EXT1: variants seen among roughly 807,000 people sequenced by gnomAD.
The protein encoded by EXT1 is exostosin-1.
Under a neutral mutation model 82.5 loss-of-function variants are expected in EXT1, and 20 were observed. The observed-to-expected ratio is 0.24, with a 90% CI of 0.17 to 0.35. The LOEUF (loss-of-function observed/expected upper bound fraction) is 0.35. Among genes scored for constraint, EXT1 ranks in the 10% least tolerant of loss-of-function variants. The probability of loss-of-function intolerance (pLI) is 1.00; values close to 1 mark genes in which losing one functional copy is unlikely to be tolerated. For missense variants in EXT1, 757 were observed against 936.5 expected (o/e 0.81, Z 2.50); for synonymous variants, 348 against 350.8 (o/e 0.99, Z 0.09).
chr8:117,856,509 G>A (rs10095983), intron 1 of EXT1, among the ~76,000 whole-genome samples: 4,994 of 139,686 alleles, frequency 0.036, 293 homozygotes, highest in African/African-American at 0.13. Context: ...CTCATGATCC[G>A]CCCACCTCGG....
At chr8:117,834,876 T>C (rs1812163220) in intron 3 of EXT1, among the ~76,000 whole-genome samples, 2 of 151,136 alleles carry the variant, frequency 1.3e-5, no homozygotes, top group Admixed American at 1.3e-4. Context: ...TACATGATCA[T>C]TCCTGCCCTC....
chr8:118,075,663 A>G (rs1054932288), intron 1 of EXT1, among the ~76,000 whole-genome samples: 3 of 152,114 alleles, frequency 2.0e-5, no homozygotes, highest in Non-Finnish European at 2.9e-5. Flanking sequence ...AAGAGGTTTA[A>G]TTGGCCATGG....
At chr8:118,009,715 G>A (rs1470723981) in intron 1 of EXT1, among the ~76,000 whole-genome samples, 1 of 152,186 alleles carries the variant, frequency 6.6e-6, no homozygotes, top group East Asian at 1.9e-4. Flanking sequence ...ATTGTGAACT[G>A]TGCACGTGAG....
intron 1 of EXT1, among the ~76,000 whole-genome samples, chr8:117,956,479 A>AAAGCAGACTCTTAAAGAGT (rs1329153355): frequency 2.6e-5 from 4 of 151,954 alleles, no homozygotes; most frequent in African/African-American, 9.7e-5. Flanking sequence ...AGACAGTCTC[A>AAAGCAGACTCTTAAAGAGT]CTCTGTCGCC....
intron 1 of EXT1, among the ~76,000 whole-genome samples, chr8:118,035,217 C>CA (rs1016471079): frequency 6.6e-6 from 1 of 152,134 alleles, no homozygotes; most frequent in Non-Finnish European, 1.5e-5. Flanking sequence ...CTGTCCTACT[C>CA]AATGTGGTTT....
At chr8:117,986,634 C>G (rs1815326335) in intron 1 of EXT1, among the ~76,000 whole-genome samples, 1 of 152,212 alleles carries the variant, frequency 6.6e-6, no homozygotes, top group Non-Finnish European at 1.5e-5. Context: ...AGAGGAACTT[C>G]AAATTAACAA....
At chr8:117,834,728 A>T (rs1812157194) in intron 3 of EXT1, among the ~76,000 whole-genome samples, 1 of 152,334 alleles carries the variant, frequency 6.6e-6, no homozygotes, top group African/African-American at 2.4e-5. Flanking sequence ...TAATTCAAAG[A>T]TAAAGTGTAT....
intron 1 of EXT1, among the ~76,000 whole-genome samples, chr8:117,916,137 C>T (rs917869107): frequency 6.6e-6 from 1 of 152,198 alleles, no homozygotes; most frequent in Non-Finnish European, 1.5e-5. Flanking sequence ...GTTATTTATA[C>T]ATAAATTACA....
intron 1 of EXT1, among the ~76,000 whole-genome samples, chr8:117,946,526 G>A (rs943000458): frequency 1.3e-5 from 2 of 152,162 alleles, no homozygotes; most frequent in African/African-American, 4.8e-5. Flanking sequence ...ACAGACCAGG[G>A]CCTGCCAAGA....
In EXT1 at chr8:117,966,657, T is replaced by C. The variant is rs1814817771; in HGVS notation, c.963-129456A>G. The stretch of plus-strand genomic sequence containing the variant: ...TTATTCTGTTCTGCATTTCATTAAA[T>C]CTGAAACATACCAACTCTACCACAA... On this transcript the variant is annotated intron_variant, in intron 1 of 10. Coordinates refer to ENST00000378204, the MANE Select transcript of EXT1 (RefSeq NM_000127.3). Among the ~76,000 whole-genome samples, 3 of 152,216 alleles carry C rather than the reference T, an allele frequency of 2.0e-5. No homozygotes were observed. The South Asian group carries it at 6.2e-4, about 32-fold the overall frequency.
In EXT1 at chr8:117,924,223, T is replaced by C. The variant is rs202238737; in HGVS notation, c.963-87022A>G. Among the ~76,000 whole-genome samples the C allele has an allele frequency of 1.6e-3, 244 of 152,346 alleles. 5 individuals are homozygous for C. In the East Asian group the frequency reaches 0.04, roughly 25 times the overall value. On this transcript the variant is annotated intron_variant, in intron 1 of 10. Coordinates refer to ENST00000378204, the MANE Select transcript of EXT1 (RefSeq NM_000127.3). ...CTGTACTAGGGAAATATTTACTGAC[T>C]GCCCACCATATGTATGGTGCTGGGC...
At chr8:117,962,765 AC>A in intron 1 of EXT1, among the ~76,000 whole-genome samples, 1 of 56,920 alleles carries the variant, frequency 1.8e-5, no homozygotes, top group Non-Finnish European at 3.2e-5. Flanking sequence ...CACACCCCCC[AC>A]CCCCAAAAAA....
chr8:118,089,597 T>C (rs1040238137), intron 1 of EXT1, among the ~76,000 whole-genome samples: 2 of 152,222 alleles, frequency 1.3e-5, no homozygotes, highest in African/African-American at 4.8e-5. Context: ...TTCTATAATG[T>C]CTGAACTCAA....
intron 1 of EXT1, among the ~76,000 whole-genome samples, chr8:117,854,318 G>A (rs1390349320): frequency 6.6e-6 from 1 of 152,216 alleles, no homozygotes; most frequent in Admixed American, 6.5e-5. Flanking sequence ...AGGGACCTCC[G>A]ATGCAGCAAA....
chr8:118,096,161 AG>A (rs35044414), intron 1 of EXT1, among the ~76,000 whole-genome samples: 2 of 152,122 alleles, frequency 1.3e-5, no homozygotes, highest in Admixed American at 6.5e-5. Flanking sequence ...CTACAATTAA[AG>A]GGGGGGAAGT....
intron 1 of EXT1, among the ~76,000 whole-genome samples, chr8:117,838,813 G>A (rs765458419): frequency 6.6e-6 from 1 of 151,946 alleles, no homozygotes; most frequent in Non-Finnish European, 1.5e-5. Flanking sequence ...TATGCATAAA[G>A]TTTAAGCTGA....
chr8:118,001,806 T>G (rs1288438285), intron 1 of EXT1, among the ~76,000 whole-genome samples: 2 of 152,180 alleles, frequency 1.3e-5, no homozygotes, highest in African/African-American at 4.8e-5. Flanking sequence ...TACAACTACG[T>G]AAGAAAGCTA....
At chr8:118,011,270 G>C (rs141907608) in intron 1 of EXT1, among the ~76,000 whole-genome samples, 1 of 152,176 alleles carries the variant, frequency 6.6e-6, no homozygotes, top group East Asian at 1.9e-4. Context: ...CAGAATGGAA[G>C]CTACAAAGAG....
chr8:117,808,661 C>T (rs553644995), intron 8 of EXT1, among the ~76,000 whole-genome samples: 14 of 152,246 alleles, frequency 9.2e-5, no homozygotes, highest in African/African-American at 2.9e-4. Flanking sequence ...AGCTGGGGGA[C>T]GGAGGGATGC....
Sources: allele counts gnomAD v4.1 joint callset (sites outside exome capture counted in the v4.1 genomes callset), GRCh38; gene constraint gnomAD v4.1.1; transcripts MANE v1.5; gene names NCBI Gene and HGNC (gene_info 2026-07-23, HGNC 2026-07-21).